The following EYS variants were observed in gnomAD, a reference collection of about 807,000 sequenced individuals.
The protein encoded by EYS is EGF-like photoreceptor maintenance factor.
EYS carries 250 observed loss-of-function variants against 282.1 expected under a neutral mutation model. That is an observed-to-expected ratio of 0.89 (90% CI 0.80 to 0.98). The LOEUF (loss-of-function observed/expected upper bound fraction) is 0.98, where lower values mean the gene tolerates loss of function less well. EYS is among the 50% of genes least tolerant of loss of function. The pLI is 0.00. For missense variants in EYS, 4,016 were observed against 3,709.0 expected (o/e 1.08, Z -2.15); for synonymous variants, 1,355 against 1,282.9 (o/e 1.06, Z -1.20).
intron 8 of EYS, among the ~76,000 whole-genome samples, chr6:65,356,744 A>G (rs1764500134): frequency 6.6e-6 from 1 of 152,058 alleles, no homozygotes; most frequent in African/African-American, 2.4e-5. Context: ...CAACACCAGT[A>G]CATTATCCTC....
intron 2 of EYS, among the ~76,000 whole-genome samples, chr6:65,582,987 A>G (rs531146728): frequency 6.8e-4 from 104 of 152,218 alleles, no homozygotes; most frequent in African/African-American, 2.5e-3. Context: ...GTGGTATACT[A>G]CTATTTCATT....
At chr6:65,204,578 C>G (rs1765981206) in intron 12 of EYS, among the ~76,000 whole-genome samples, 1 of 151,842 alleles carries the variant, frequency 6.6e-6, no homozygotes, top group Non-Finnish European at 1.5e-5. Flanking sequence ...TACTCTCCAT[C>G]ATAAAAGCAT....
At chr6:63,859,900 G>A (rs1453843249) in intron 36 of EYS, among the ~76,000 whole-genome samples, 2 of 152,046 alleles carry the variant, frequency 1.3e-5, no homozygotes. Flanking sequence ...ATATTAAGAT[G>A]GTAGATATGG....
chr6:65,145,742 G>A (rs756564012), intron 12 of EYS, among the ~76,000 whole-genome samples: 17 of 151,908 alleles, frequency 1.1e-4, no homozygotes, highest in East Asian at 3.9e-4. Flanking sequence ...TTGCTTCCTC[G>A]TTCTTGCCAA....
chr6:64,574,800 C>T (rs1483751438), intron 26 of EYS, among the ~76,000 whole-genome samples: 1 of 152,006 alleles, frequency 6.6e-6, no homozygotes, highest in Admixed American at 6.6e-5. Context: ...ATTTACAGCC[C>T]CTGTTGGTTT....
At chr6:64,196,500 T>C (rs959905458) in intron 31 of EYS, among the ~76,000 whole-genome samples, 2 of 151,918 alleles carry the variant, frequency 1.3e-5, no homozygotes, top group African/African-American at 4.8e-5. Context: ...AACCCAAATG[T>C]CCAACAATGA....
At chr6:63,819,068 C>A (rs1430172870) in intron 36 of EYS, among the ~76,000 whole-genome samples, 2 of 152,208 alleles carry the variant, frequency 1.3e-5, no homozygotes, top group Non-Finnish European at 2.9e-5. Flanking sequence ...TAGACTGTCT[C>A]CCCACCTCAC....
intron 14 of EYS, among the ~76,000 whole-genome samples, chr6:64,949,687 C>T (rs955577663): frequency 6.6e-6 from 1 of 151,850 alleles, no homozygotes; most frequent in African/African-American, 2.4e-5. Flanking sequence ...GTTTCACTCA[C>T]ACCCAAGGGG....
At chr6:65,519,027 G>A (rs902647468) in intron 2 of EYS, among the ~76,000 whole-genome samples, 4 of 152,064 alleles carry the variant, frequency 2.6e-5, no homozygotes, top group Non-Finnish European at 5.9e-5. Flanking sequence ...AAAAAAAATT[G>A]TGAAATTCTT....
chr6:64,827,240 A>T (rs1472455046), intron 19 of EYS, among the ~76,000 whole-genome samples: 2 of 151,782 alleles, frequency 1.3e-5, no homozygotes, highest in Non-Finnish European at 2.9e-5. Context: ...TCATTTCCAC[A>T]TCTCTGTTTG....
chr6:63,915,781 T>C (rs1764407872), intron 35 of EYS, among the ~76,000 whole-genome samples: 1 of 152,132 alleles, frequency 6.6e-6, no homozygotes, highest in South Asian at 2.1e-4. Context: ...TAATTGCAGA[T>C]GTGGTGAAAA....
intron 2 of EYS, among the ~76,000 whole-genome samples, chr6:65,510,991 G>A (rs1766847868): frequency 1.3e-5 from 2 of 152,098 alleles, no homozygotes; most frequent in South Asian, 4.1e-4. Flanking sequence ...TAAGGCGAGG[G>A]TTAATTTGTG....
intron 33 of EYS, among the ~76,000 whole-genome samples, chr6:64,000,092 A>G (rs1768009525): frequency 6.7e-6 from 1 of 149,050 alleles, no homozygotes; most frequent in African/African-American, 2.5e-5. Flanking sequence ...GACAACGATC[A>G]GACTTATTTT....
chr6:64,024,447 C>A (rs912175384), intron 33 of EYS, among the ~76,000 whole-genome samples: 1 of 152,144 alleles, frequency 6.6e-6, no homozygotes, highest in African/African-American at 2.4e-5. Context: ...CCTGTCAAAA[C>A]AGACCACTCG....
intron 36 of EYS, among the ~76,000 whole-genome samples, chr6:63,863,545 G>C (rs68167248): frequency 0.12 from 17,620 of 151,644 alleles, 1,251 homozygotes; most frequent in African/African-American, 0.19. Flanking sequence ...TGCTCTTGAT[G>C]CCCCTTGTTA....
At chr6:64,728,677 A>G (rs1312955558) in intron 22 of EYS, among the ~76,000 whole-genome samples, 1 of 152,040 alleles carries the variant, frequency 6.6e-6, no homozygotes, top group East Asian at 1.9e-4. Context: ...TGGACAGCTT[A>G]AGTCTTAAAC....
At chr6:64,542,996 C>T (rs1764737126) in intron 26 of EYS, among the ~76,000 whole-genome samples, 1 of 152,048 alleles carries the variant, frequency 6.6e-6, no homozygotes, top group African/African-American at 2.4e-5. Context: ...AAATTGATGT[C>T]TTAGTTCAAA....
chr6:65,415,813 T>C (rs558776067), intron 5 of EYS, among the ~76,000 whole-genome samples: 2 of 151,968 alleles, frequency 1.3e-5, no homozygotes, highest in African/African-American at 2.4e-5. Flanking sequence ...GCTTAGCATA[T>C]TGAGAGAAAA....
At chr6:64,214,904 T>A (rs1355411970) in intron 31 of EYS, among the ~76,000 whole-genome samples, 1 of 152,000 alleles carries the variant, frequency 6.6e-6, no homozygotes, top group Non-Finnish European at 1.5e-5. Context: ...GTATGTAATA[T>A]ATATGTAAAA....
Sources: gnomAD v4.1 joint callset for allele counts (sites outside exome capture counted in the v4.1 genomes callset) on GRCh38, gnomAD v4.1.1 for gene constraint, MANE v1.5 for transcripts, NCBI Gene and HGNC (gene_info 2026-07-23, HGNC 2026-07-21) for gene names.